The following ADAMTS3 variants were observed in gnomAD, a reference collection of about 807,000 sequenced individuals.
ADAMTS3 encodes A disintegrin and metalloproteinase with thrombospondin motifs 3.
ADAMTS3 carries 73 observed loss-of-function variants against 129.0 expected under a neutral mutation model. That is an observed-to-expected ratio of 0.57 (90% CI 0.47 to 0.69). The LOEUF (loss-of-function observed/expected upper bound fraction) is 0.69, where lower values mean the gene tolerates loss of function less well. Among genes scored for constraint, ADAMTS3 ranks in the 30% least tolerant of loss-of-function variants. The pLI is 0.00. For missense variants in ADAMTS3, 1,457 were observed against 1,514.5 expected (o/e 0.96, Z 0.63); for synonymous variants, 477 against 510.8 (o/e 0.93, Z 0.89).
At chr4:72,474,078 TG>T (rs1719156351) in intron 3 of ADAMTS3, among the ~76,000 whole-genome samples, 1 of 152,100 alleles carries the variant, frequency 6.6e-6, no homozygotes, top group African/African-American at 2.4e-5. Context: ...TCTGCTAAAA[TG>T]GTGTCAGAAA....
intron 3 of ADAMTS3, among the ~76,000 whole-genome samples, chr4:72,491,396 T>C (rs2110015030): frequency 6.6e-6 from 1 of 151,924 alleles, no homozygotes; most frequent in Middle Eastern, 3.4e-3. Context: ...AGAAAAGTTT[T>C]CAGTTTTTCC....
intron 18 of ADAMTS3, among the ~76,000 whole-genome samples, chr4:72,297,019 A>C (rs1299081433): frequency 1.3e-5 from 2 of 152,154 alleles, no homozygotes; most frequent in African/African-American, 4.8e-5. Context: ...ATTTTTAGAA[A>C]GAATGCTACA....
intron 4 of ADAMTS3, among the ~76,000 whole-genome samples, chr4:72,402,586 T>C (rs975063647): frequency 1.3e-5 from 2 of 152,096 alleles, no homozygotes; most frequent in African/African-American, 4.8e-5. Flanking sequence ...TTCTGTAATA[T>C]AGGAAATAAT....
At chr4:72,501,878 TTTTC>T (rs1332482730) in intron 3 of ADAMTS3, among the ~76,000 whole-genome samples, 4 of 152,154 alleles carry the variant, frequency 2.6e-5, no homozygotes, top group Non-Finnish European at 5.9e-5. Context: ...GATCGTATGA[TTTTC>T]TTTCTAATTC....
At position 72,529,149 on chromosome 4, in the gene ADAMTS3, T is replaced by A. The variant is rs564578551; in HGVS notation, c.504+19329A>T. On this transcript the variant is annotated intron_variant, in intron 3 of 21. Transcript: ENST00000286657. ...AATATTCTTACAGAAGAAAAGCTGATCCAAAAGGCCAGAGGCAGGAAAATT... is the reference window on the plus strand; with the variant it reads ...AATATTCTTACAGAAGAAAAGCTGAACCAAAAGGCCAGAGGCAGGAAAATT... 1.8e-4 allele frequency among the ~76,000 whole-genome samples: 27 copies of A among 152,098 alleles called. 1 individual carries two copies. In the South Asian group the frequency reaches 3.3e-3, roughly 19 times the overall value.
intron 4 of ADAMTS3, among the ~76,000 whole-genome samples, chr4:72,403,415 A>C (rs1721974024): frequency 6.6e-6 from 1 of 151,814 alleles, no homozygotes; most frequent in Non-Finnish European, 1.5e-5. Context: ...TCACACATAA[A>C]ATTCTGTGGA....
chr4:72,447,380 A>T (rs1718284477), intron 3 of ADAMTS3, among the ~76,000 whole-genome samples: 1 of 151,720 alleles, frequency 6.6e-6, no homozygotes, highest in African/African-American at 2.4e-5. Context: ...ACCTCTTTTC[A>T]TGCAGCTAAT....
At chr4:72,532,047 T>C (rs1344090775) in intron 3 of ADAMTS3, among the ~76,000 whole-genome samples, 2 of 134,764 alleles carry the variant, frequency 1.5e-5, no homozygotes, top group Non-Finnish European at 3.2e-5. Context: ...CAGACAGTAT[T>C]ACAGACAAAA....
chr4:72,502,912 C>T (rs1347227784), intron 3 of ADAMTS3, among the ~76,000 whole-genome samples: 6 of 152,070 alleles, frequency 3.9e-5, no homozygotes, highest in South Asian at 4.1e-4. Flanking sequence ...ATGTTCCCCT[C>T]GGTAAGTGTT....
At chr4:72,343,812 T>G (rs546784849) in intron 4 of ADAMTS3, among the ~76,000 whole-genome samples, 250 of 152,304 alleles carry the variant, frequency 1.6e-3, no homozygotes, top group Non-Finnish European at 2.7e-3. Context: ...TCATGCATCA[T>G]TCCAAAAAGG....
At chr4:72,530,063 T>TATATATTATATTTATATATA (rs1720953451) in intron 3 of ADAMTS3, among the ~76,000 whole-genome samples, 2 of 1,628 alleles carry the variant, frequency 1.2e-3, no homozygotes, top group African/African-American at 4.7e-3. Flanking sequence ...TATAATATGT[T>TATATATTATATTTATATATA]ATATATAACA....
chr4:72,457,999 T>C (rs1718669878), intron 3 of ADAMTS3, among the ~76,000 whole-genome samples: 1 of 151,512 alleles, frequency 6.6e-6, no homozygotes, highest in South Asian at 2.1e-4. Flanking sequence ...CTGGCACTGA[T>C]TTTCTGCTTC....
At chr4:72,514,824 CT>C (rs1156905670) in intron 3 of ADAMTS3, among the ~76,000 whole-genome samples, 5 of 151,962 alleles carry the variant, frequency 3.3e-5, no homozygotes, top group Admixed American at 2.6e-4. Flanking sequence ...TATTTACAAT[CT>C]TTTTTCCTTT....
At chr4:72,286,364 C>T (rs1449321071) in intron 21 of ADAMTS3, among the ~76,000 whole-genome samples, 1 of 152,212 alleles carries the variant, frequency 6.6e-6, no homozygotes, top group Non-Finnish European at 1.5e-5. Flanking sequence ...TGAGCTCTTA[C>T]ATATGTCAAT....
chr4:72,322,887 T>C, intron 6 of ADAMTS3, 127 bp downstream of exon 6: 1 of 662,118 alleles, frequency 1.5e-6, no homozygotes, highest in Non-Finnish European at 2.5e-6. Context: ...TTCTCCTCAA[T>C]TTCAAGCAAC....
intron 2 of ADAMTS3, among the ~76,000 whole-genome samples, chr4:72,565,593 T>C (rs1447989588): frequency 6.6e-6 from 1 of 152,174 alleles, no homozygotes; most frequent in Non-Finnish European, 1.5e-5. Flanking sequence ...TTCATTCAAC[T>C]GGAAAACGAT....
chr4:72,368,456 A>AT (rs1275344398), intron 4 of ADAMTS3, among the ~76,000 whole-genome samples: 1 of 152,210 alleles, frequency 6.6e-6, no homozygotes, highest in Admixed American at 6.5e-5. Flanking sequence ...TCCAAGACCA[A>AT]TTATATACTT....
chr4:72,412,873 T>C (rs1271201941), intron 4 of ADAMTS3, among the ~76,000 whole-genome samples: 2 of 152,046 alleles, frequency 1.3e-5, no homozygotes. Context: ...GTCTTCAGTG[T>C]CTGCATTATT....
Position 72,320,745 on chromosome 4 carries a change from G to C in ADAMTS3, c.1071C>G (p.Thr357=), listed in dbSNP as rs147111615. 410 of 1,613,830 alleles carry C rather than the reference G, an allele frequency of 2.5e-4. No homozygotes were observed. The African/African-American group carries it at 5.1e-3, about 20-fold the overall frequency. The part of the protein sequence containing the change: ...SEHHDHAIFL[T]RQDFGPAGMQ... ...TTCCAGCAGGTCCAAAGTCTTGCCT[G>C]GTTAAAAAAATTGCATGGTCATGGT... Residue 357 remains threonine, a synonymous_variant, in exon 7 of 22, where the codon ACC becomes ACG. Transcript: ENST00000286657.
Sources: gnomAD v4.1 joint callset for allele counts (sites outside exome capture counted in the v4.1 genomes callset) on GRCh38, gnomAD v4.1.1 for gene constraint, MANE v1.5 for transcripts, NCBI Gene and HGNC (gene_info 2026-07-23, HGNC 2026-07-21) for gene names.